Variants in ATP8B4 observed in about 807,000 individuals in gnomAD.
ATP8B4 encodes the protein ATPase phospholipid transporting 8B4 (putative).
Under a neutral mutation model 145.6 loss-of-function variants are expected in ATP8B4, and 133 were observed. The observed-to-expected ratio is 0.91, with a 90% CI of 0.79 to 1.05. The LOEUF (loss-of-function observed/expected upper bound fraction) is 1.05, where lower values mean the gene tolerates loss of function less well. Ranked by LOEUF, ATP8B4 falls within the 50% of genes least tolerant of loss-of-function variation. The probability of loss-of-function intolerance (pLI) is 0.00; values close to 1 mark genes in which losing one functional copy is unlikely to be tolerated. For synonymous variants in ATP8B4, 507 were observed against 492.9 expected (o/e 1.03, Z -0.38); for missense variants, 1,458 against 1,425.2 (o/e 1.02, Z -0.37).
chr15:50,091,056 G>A (rs1300638761), intron 2 of ATP8B4, among the ~76,000 whole-genome samples: 1 of 152,084 alleles, frequency 6.6e-6, no homozygotes, highest in Non-Finnish European at 1.5e-5. Context: ...GCACATTTGA[G>A]ATTACCTCAC....
At position 50,014,616 on chromosome 15, in the gene ATP8B4, ATTATTT is replaced by A. The variant is rs2048955199; in HGVS notation, c.363-3705_363-3700del. Among the ~76,000 whole-genome samples, 4 of 152,294 alleles carry A rather than the reference ATTATTT, an allele frequency of 2.6e-5. No homozygotes were observed. In the East Asian group the frequency reaches 7.7e-4, roughly 29 times the overall value. ...AATTTGAATTTCAGATAAACAACAA[ATTATTT>A]TTAGTATATATTCCATGAAATATTT... On this transcript the variant is annotated intron_variant, in intron 6 of 27. Transcript: ENST00000284509.
chr15:50,097,611 TAAAC>T (rs2056071736), intron 2 of ATP8B4, among the ~76,000 whole-genome samples: 1 of 152,086 alleles, frequency 6.6e-6, no homozygotes, highest in East Asian at 1.9e-4. Flanking sequence ...TCACCATAAG[TAAAC>T]AACCCTTTTG....
At chr15:50,093,422 T>G (rs1233495382) in intron 2 of ATP8B4, among the ~76,000 whole-genome samples, 1 of 152,048 alleles carries the variant, frequency 6.6e-6, no homozygotes, top group Non-Finnish European at 1.5e-5. Flanking sequence ...TATTCTAAAT[T>G]CATGATATTG....
rs575805525 is a variant in ATP8B4, at chr15:49,860,100, C to G, written c.*94G>C. 3.5e-4 allele frequency: 500 copies of G among 1,434,922 alleles called. 4 individuals are homozygous for G. In the African/African-American group the frequency reaches 6.6e-3, roughly 19 times the overall value. The allele number at this position is 1,434,922 out of a possible 1,614,324, so 88.9% of individuals were successfully genotyped here. ...GTTAAGTGAGGCAATCTGCCTGCCC[C>G]ACCTCTTGCCTCAAATCTCAAACTC... On this transcript the variant is annotated 3_prime_UTR_variant, in exon 28 of 28. Transcript: ENST00000284509.
intron 2 of ATP8B4, among the ~76,000 whole-genome samples, chr15:50,077,469 A>G (rs149690593): frequency 9.8e-5 from 15 of 152,378 alleles, no homozygotes; most frequent in African/African-American, 3.4e-4. Flanking sequence ...GAAAAAAGAT[A>G]GAAATAACTC....
chr15:50,044,272 T>G (rs975660440), intron 5 of ATP8B4, among the ~76,000 whole-genome samples: 6 of 152,230 alleles, frequency 3.9e-5, no homozygotes, highest in Admixed American at 2.0e-4. Context: ...AAGTAACACT[T>G]CACTGAGTGA....
chr15:50,067,159 C>G (rs913790411), intron 3 of ATP8B4, among the ~76,000 whole-genome samples: 2 of 152,140 alleles, frequency 1.3e-5, no homozygotes, highest in African/African-American at 4.8e-5. Flanking sequence ...GTTTCTCCTT[C>G]CAGCCGATAT....
intron 3 of ATP8B4, among the ~76,000 whole-genome samples, chr15:50,072,980 C>A (rs7183776): frequency 0.012 from 261 of 22,606 alleles, no homozygotes; most frequent in South Asian, 0.021. Flanking sequence ...CTCTCTCTCT[C>A]TATATATATA....
intron 2 of ATP8B4, among the ~76,000 whole-genome samples, chr15:50,099,044 C>T (rs2056176309): frequency 1.3e-5 from 2 of 152,212 alleles, no homozygotes; most frequent in South Asian, 4.2e-4. Flanking sequence ...CATACACAGC[C>T]CCGGTCTGAT....
intron 25 of ATP8B4, among the ~76,000 whole-genome samples, chr15:49,866,802 T>C (rs2032874010): frequency 6.6e-6 from 1 of 152,262 alleles, no homozygotes; most frequent in South Asian, 2.1e-4. Context: ...GGGCTTATAA[T>C]TTTTAAGTTA....
chr15:50,063,670 C>A (rs2053183468), intron 3 of ATP8B4, among the ~76,000 whole-genome samples: 1 of 152,104 alleles, frequency 6.6e-6, no homozygotes, highest in Non-Finnish European at 1.5e-5. Flanking sequence ...TTCTCTACTT[C>A]AAGATGGTCA....
chr15:50,128,439 T>C (rs1219540284), intron 1 of ATP8B4, among the ~76,000 whole-genome samples: 1 of 152,220 alleles, frequency 6.6e-6, no homozygotes, highest in Admixed American at 6.5e-5. Context: ...TCCTGCCTCC[T>C]TGTGGCTGAT....
In ATP8B4 at chr15:49,978,777, CACACACACAT is replaced by C. The variant is rs1343254405; in HGVS notation, c.1034+830_1034+839del. Among the ~76,000 whole-genome samples, 628 of 144,512 alleles carry C rather than the reference CACACACACAT, an allele frequency of 4.3e-3. 2 individuals carry two copies. The highest frequency in any genetic ancestry group is 0.015 in the African/African-American group (591 of 38,556). 94.8% of individuals were successfully genotyped at this position (144,512 alleles called of 152,430 possible). On this transcript the variant is annotated intron_variant, in intron 12 of 27. Coordinates refer to ENST00000284509, the MANE Select transcript of ATP8B4 (RefSeq NM_024837.4). ...ACACACACACACACACACACACACA[CACACACACAT>C]GCATACATATGTATATAAATAAAGA...
intron 1 of ATP8B4, among the ~76,000 whole-genome samples, chr15:50,178,246 G>A (rs1398991811): frequency 6.6e-6 from 1 of 152,214 alleles, no homozygotes; most frequent in Non-Finnish European, 1.5e-5. Flanking sequence ...AGTAATGTCA[G>A]AGAATGGGAG....
At chr15:50,026,050 C>G (rs1162408203) in intron 6 of ATP8B4, among the ~76,000 whole-genome samples, 1 of 152,178 alleles carries the variant, frequency 6.6e-6, no homozygotes, top group African/African-American at 2.4e-5. Context: ...GTTGGAAGAC[C>G]CGATGATTAA....
chr15:50,004,434 C>A (rs1233068999), intron 7 of ATP8B4, among the ~76,000 whole-genome samples: 1 of 152,138 alleles, frequency 6.6e-6, no homozygotes, highest in Non-Finnish European at 1.5e-5. Context: ...AATTTTGGGG[C>A]CCACTTTCCC....
intron 2 of ATP8B4, among the ~76,000 whole-genome samples, chr15:50,080,977 G>A (rs1279754521): frequency 6.6e-6 from 1 of 152,132 alleles, no homozygotes; most frequent in East Asian, 1.9e-4. Flanking sequence ...GCCAGGCGTG[G>A]TGGCGGGCAC....
intron 22 of ATP8B4, among the ~76,000 whole-genome samples, chr15:49,897,769 T>C (rs1413026070): frequency 6.6e-6 from 1 of 152,246 alleles, no homozygotes; most frequent in Non-Finnish European, 1.5e-5. Context: ...TAAAGTCACA[T>C]GTTACAAATG....
At chr15:49,908,329 G>C (rs1255173334) in intron 20 of ATP8B4, among the ~76,000 whole-genome samples, 1 of 152,206 alleles carries the variant, frequency 6.6e-6, no homozygotes, top group Non-Finnish European at 1.5e-5. Flanking sequence ...ATAGAGAGTA[G>C]ATAATCATAC....
Sources: gnomAD v4.1 joint callset for allele counts (sites outside exome capture counted in the v4.1 genomes callset) on GRCh38, gnomAD v4.1.1 for gene constraint, MANE v1.5 for transcripts, NCBI Gene and HGNC (gene_info 2026-07-23, HGNC 2026-07-21) for gene names.